The following RHBDL3 variants were observed in gnomAD, a reference collection of about 807,000 sequenced individuals.
RHBDL3 encodes rhomboid-related protein 3.
RHBDL3 carries 28 observed loss-of-function variants against 48.2 expected under a neutral mutation model. That is an observed-to-expected ratio of 0.58 (90% CI 0.43 to 0.80). The LOEUF is 0.80. Ranked by LOEUF, RHBDL3 falls within the 30% of genes least tolerant of loss-of-function variation. RHBDL3 has a pLI of 0.00. For missense variants in RHBDL3, 464 were observed against 542.7 expected, an observed-to-expected ratio of 0.85 and a Z score of 1.44; for synonymous variants, 208 against 232.3, an observed-to-expected ratio of 0.90 and a Z score of 0.95.
Position 32,321,182 on chromosome 17 carries a change from A to G in RHBDL3, c.1168A>G (p.Ile390Val), listed in dbSNP as rs772462704. 1.2e-6 allele frequency: 2 copies of G among 1,614,162 alleles called. No homozygotes were observed. The highest frequency in any genetic ancestry group is 2.7e-5 in the African/African-American group (2 of 75,050). Residue 390 changes from isoleucine (I) to valine (V), a missense_variant, in exon 9 of 9, where the codon ATC becomes GTC. Coordinates refer to ENST00000269051, the MANE Select transcript of RHBDL3 (RefSeq NM_138328.3). ...CGTGCTGTTCGCTGTCTTCTGGAAC[A>G]TCTTTGCCTACACCCTGCTGGACTT... is the stretch of plus-strand genomic sequence containing the variant. ...VFVLFAVFWNIFAYTLLDLKL... is the reference protein window; with the variant it reads ...VFVLFAVFWNVFAYTLLDLKL...
intron 7 of RHBDL3, among the ~76,000 whole-genome samples, chr17:32,306,763 A>C (rs2040720284): frequency 1.3e-5 from 2 of 152,122 alleles, no homozygotes; most frequent in Admixed American, 1.3e-4. Flanking sequence ...TCTATAAAAA[A>C]TACAAAAATT....
At chr17:32,286,376 C>T (rs2040198986) in intron 3 of RHBDL3, among the ~76,000 whole-genome samples, 1 of 152,094 alleles carries the variant, frequency 6.6e-6, no homozygotes, top group Admixed American at 6.5e-5. Flanking sequence ...ATGAGCAGGG[C>T]TGCCCTGGAG....
At chr17:32,299,222 C>T (rs2040527302) in intron 6 of RHBDL3, among the ~76,000 whole-genome samples, 1 of 152,094 alleles carries the variant, frequency 6.6e-6, no homozygotes, top group African/African-American at 2.4e-5. Context: ...CAGGCAGGGA[C>T]CCTGGGAGTA....
At chr17:32,311,544 T>C (rs2040848596) in intron 7 of RHBDL3, among the ~76,000 whole-genome samples, 1 of 152,162 alleles carries the variant, frequency 6.6e-6, no homozygotes, top group Non-Finnish European at 1.5e-5. Context: ...CACCATTCAC[T>C]CACTGTGACC....
In RHBDL3 at chr17:32,288,878, G is replaced by A; in HGVS notation, c.381G>A (p.Lys127=). ...GCAGCAAGGCCCTGCTGGAGGAGAA[G>A]GGGCTGAGCCTCTCGCAGCGACTTA... ...RLSSKALLEE[K]GLSLSQRLIR... Residue 127 remains lysine (K), a synonymous_variant, in exon 4 of 9, where the codon AAG becomes AAA. Coordinates refer to ENST00000269051, the MANE Select transcript of RHBDL3 (RefSeq NM_138328.3). 6.2e-7 allele frequency: 1 copy of A among 1,614,228 alleles called. No individual in the cohort carries two copies. Among genetic ancestry groups the A allele is most frequent in the Non-Finnish European group, 8.5e-7 (1 of 1,180,032 alleles).
intron 7 of RHBDL3, among the ~76,000 whole-genome samples, chr17:32,310,166 C>T (rs1482543003): frequency 1.3e-5 from 2 of 152,192 alleles, no homozygotes; most frequent in African/African-American, 2.4e-5. Context: ...ACTTACACTT[C>T]GCTCTGTATG....
intron 7 of RHBDL3, among the ~76,000 whole-genome samples, chr17:32,309,318 C>T (rs1159209503): frequency 6.6e-6 from 1 of 151,764 alleles, no homozygotes; most frequent in Non-Finnish European, 1.5e-5. Flanking sequence ...TTTGGGAGGG[C>T]GAGGCAGGCG....
At chr17:32,283,443 C>T (rs1254207219) in intron 2 of RHBDL3, among the ~76,000 whole-genome samples, 1 of 151,362 alleles carries the variant, frequency 6.6e-6, no homozygotes. Flanking sequence ...CCTGCCTCAG[C>T]CTCCCGAGTA....
In RHBDL3 at chr17:32,294,377, G is replaced by A. The variant is rs1303693955; in HGVS notation, c.603G>A (p.Leu201=). 6.2e-7 allele frequency: 1 copy of A among 1,613,948 alleles called. No homozygotes were observed. The highest frequency in any genetic ancestry group is 8.5e-7 in the Non-Finnish European group (1 of 1,180,020). The change falls in exon 5 of 9, where the codon CTG becomes CTA. Residue 201 remains leucine, a synonymous_variant. Coordinates refer to ENST00000269051, the MANE Select transcript of RHBDL3 (RefSeq NM_138328.3). The part of the protein sequence containing the change: ...VTHPRYLKNS[L]VYHPQLRAQV... ...ATCCACGTTACTTGAAGAACTCCCT[G>A]GTTTACCACCCACAGCTGCGAGCAC...
At chr17:32,294,257 T>C (rs745313512) in intron 4 of RHBDL3, 37 bp from the exon 5 acceptor site, 6 of 1,598,826 alleles carry the variant, frequency 3.8e-6, no homozygotes, top group South Asian at 1.1e-5. Flanking sequence ...TCCTGGGCAG[T>C]GTGCACCTAG....
intron 2 of RHBDL3, among the ~76,000 whole-genome samples, chr17:32,278,523 T>G (rs2039966483): frequency 6.6e-6 from 1 of 152,206 alleles, no homozygotes; most frequent in African/African-American, 2.4e-5. Context: ...CAGTTGATCC[T>G]TAGTGAATAT....
rs747560593 is a variant in RHBDL3, at chr17:32,321,272, C to A, written c.*43C>A. On this transcript the variant is annotated 3_prime_UTR_variant, in exon 9 of 9. Coordinates refer to ENST00000269051, the MANE Select transcript of RHBDL3 (RefSeq NM_138328.3). ...TCGGGGAGGGGAGGGAAAAGCAGCACCCACAGGGAGCGCCTGCGAGGTTTC... is the reference window on the plus strand; with the variant it reads ...TCGGGGAGGGGAGGGAAAAGCAGCAACCACAGGGAGCGCCTGCGAGGTTTC... 3.7e-6 allele frequency: 6 copies of A among 1,613,006 alleles called. No homozygotes were observed. The African/African-American group carries it at 6.7e-5, about 18-fold the overall frequency.
At chr17:32,276,438 C>T (rs1177229429) in intron 2 of RHBDL3, among the ~76,000 whole-genome samples, 1 of 152,142 alleles carries the variant, frequency 6.6e-6, no homozygotes, top group African/African-American at 2.4e-5. Flanking sequence ...ACCTAATTTA[C>T]GGGGCTGTAA....
chr17:32,305,139 A>C (rs2150739955), intron 6 of RHBDL3, among the ~76,000 whole-genome samples: 2 of 129,460 alleles, frequency 1.5e-5, no homozygotes, highest in South Asian at 5.6e-4. Context: ...AAGAAAGAAA[A>C]GGAAAGGAAG....
rs552091381 is a variant in RHBDL3, at chr17:32,284,898, T to G, written c.294+81T>G. 5.8e-5 allele frequency: 74 copies of G among 1,277,754 alleles called. No individual in the cohort carries two copies. In the East Asian group the frequency reaches 1.4e-3, roughly 23 times the overall value. The allele number at this position is 1,277,754 out of a possible 1,614,324, so 79.2% of individuals were successfully genotyped here. ...CCACACATTTAAAGGATTTAGGCAA[T>G]TCAAAGGATCTGTTGGCCTGCAGCA... On this transcript the variant is annotated intron_variant, in intron 3 of 8. Coordinates refer to ENST00000269051, the MANE Select transcript of RHBDL3 (RefSeq NM_138328.3).
chr17:32,300,581 G>A (rs1295988576), intron 6 of RHBDL3, among the ~76,000 whole-genome samples: 2 of 152,048 alleles, frequency 1.3e-5, no homozygotes. Flanking sequence ...AAAAACCAAA[G>A]GAGACCTTAA....
chr17:32,277,439 G>A (rs1412745013), intron 2 of RHBDL3, among the ~76,000 whole-genome samples: 2 of 152,204 alleles, frequency 1.3e-5, no homozygotes, highest in African/African-American at 2.4e-5. Context: ...CAGCTGGGAG[G>A]GGAGAAGCAG....
Position 32,318,288 on chromosome 17 carries a change from T to G in RHBDL3, c.943+1996T>G, listed in dbSNP as rs192136685. On this transcript the variant is annotated intron_variant, in intron 8 of 8. Transcript: ENST00000269051. Reference sequence around the variant, plus strand: ...CAGCAGTGAGCTATGATCATGCCACTGCACTTCAGCCTGTGTGACAGAGCG... The same window carrying G: ...CAGCAGTGAGCTATGATCATGCCACGGCACTTCAGCCTGTGTGACAGAGCG... Among the ~76,000 whole-genome samples, 49 of 150,036 alleles carry G rather than the reference T, an allele frequency of 3.3e-4. No homozygotes were observed. The East Asian group carries it at 7.9e-3, about 24-fold the overall frequency.
chr17:32,297,284 A>G (rs560847057), intron 5 of RHBDL3, among the ~76,000 whole-genome samples: 150 of 152,244 alleles, frequency 9.9e-4, no homozygotes, highest in South Asian at 9.3e-3. Flanking sequence ...CCTGCCTAAC[A>G]TGGTGAAACC....
Sources: gnomAD v4.1 joint callset for allele counts (sites outside exome capture counted in the v4.1 genomes callset) on GRCh38, gnomAD v4.1.1 for gene constraint, MANE v1.5 for transcripts, NCBI Gene and HGNC (gene_info 2026-07-23, HGNC 2026-07-21) for gene names.